Variants in RBFOX1 observed in about 807,000 individuals in gnomAD.
The protein encoded by RBFOX1 is RNA binding protein fox-1 homolog 1.
A neutral mutation model predicts 57.7 loss-of-function variants in RBFOX1; 8 were observed. The observed-to-expected ratio is 0.14, with a 90% CI of 0.08 to 0.25. The LOEUF (loss-of-function observed/expected upper bound fraction) is 0.25. RBFOX1 is among the 10% of genes least tolerant of loss of function. The pLI is 1.00. For synonymous variants in RBFOX1, 326 were observed against 222.4 expected, an observed-to-expected ratio of 1.47 and a Z score of -4.15; for missense variants, 611 against 548.5, an observed-to-expected ratio of 1.11 and a Z score of -1.14.
At chr16:5,276,531 T>C (rs1205929083) in intron 1 of RBFOX1, among the ~76,000 whole-genome samples, 1 of 152,182 alleles carries the variant, frequency 6.6e-6, no homozygotes, top group African/African-American at 2.4e-5. Flanking sequence ...ACGCGTGTAA[T>C]CCCAGTACTT....
intron 2 of RBFOX1, among the ~76,000 whole-genome samples, chr16:6,454,259 G>A (rs151101722): frequency 2.0e-5 from 3 of 152,230 alleles, no homozygotes; most frequent in Non-Finnish European, 2.9e-5. Flanking sequence ...ATCACAACAG[G>A]ATAGAAAATT....
intron 4 of RBFOX1, among the ~76,000 whole-genome samples, chr16:5,967,094 G>C (rs993881089): frequency 6.7e-6 from 1 of 150,282 alleles, no homozygotes; most frequent in African/African-American, 2.4e-5. Flanking sequence ...TATAGTTGAC[G>C]GCTGCTTCTT....
Position 5,305,401 on chromosome 16 carries a change from A to T in RBFOX1, c.219+65296A>T, listed in dbSNP as rs182261711. On this transcript the variant is annotated intron_variant, in intron 1 of 2. Coordinates refer to the RBFOX1 transcript ENST00000585867. ...TGCTGGGGGTCACTTACATCTACAG[A>T]GGATGACTGAGGAGGAGGTCTGGCA... 1.3e-3 allele frequency among the ~76,000 whole-genome samples: 192 copies of T among 152,142 alleles called. 1 individual carries two copies. Among genetic ancestry groups the T allele is most frequent in the East Asian group, 1.2e-3 (6 of 5,166 alleles).
intron 2 of RBFOX1, among the ~76,000 whole-genome samples, chr16:5,525,911 T>C (rs931347121): frequency 4.6e-5 from 7 of 152,164 alleles, no homozygotes; most frequent in Non-Finnish European, 8.8e-5. Flanking sequence ...CATCGAAGGC[T>C]AGTGCCTCTT....
At chr16:6,949,394 T>G (rs1285959118) in intron 3 of RBFOX1, among the ~76,000 whole-genome samples, 4 of 152,168 alleles carry the variant, frequency 2.6e-5, no homozygotes, top group Non-Finnish European at 5.9e-5. Context: ...TTCCATGGTG[T>G]ATTAGCTGGC....
At chr16:7,343,698 C>G (rs534782523) in intron 4 of RBFOX1, among the ~76,000 whole-genome samples, 1 of 152,238 alleles carries the variant, frequency 6.6e-6, no homozygotes, top group South Asian at 2.1e-4. Context: ...AACAGGCAAA[C>G]AGGAGGTGGT....
At chr16:5,750,857 G>A (rs2053172689) in intron 3 of RBFOX1, among the ~76,000 whole-genome samples, 1 of 152,348 alleles carries the variant, frequency 6.6e-6, no homozygotes, top group Non-Finnish European at 1.5e-5. Flanking sequence ...CGCATGGTGG[G>A]CTGCATCCAC....
intron 4 of RBFOX1, among the ~76,000 whole-genome samples, chr16:5,968,875 G>C (rs1490570500): frequency 6.6e-6 from 1 of 151,886 alleles, no homozygotes; most frequent in Non-Finnish European, 1.5e-5. Context: ...ACGTACTCTT[G>C]AATCTTCTTT....
chr16:6,123,357 A>G (rs955242370), intron 1 of RBFOX1, among the ~76,000 whole-genome samples: 1 of 152,262 alleles, frequency 6.6e-6, no homozygotes, highest in Admixed American at 6.5e-5. Context: ...GTGCTATAAT[A>G]TGGATGAACC....
intron 1 of RBFOX1, among the ~76,000 whole-genome samples, chr16:6,306,402 A>G (rs572388414): frequency 1.3e-5 from 2 of 152,340 alleles, no homozygotes; most frequent in East Asian, 1.9e-4. Flanking sequence ...TCGCTCATGC[A>G]TCGAAAGGAA....
intron 4 of RBFOX1, among the ~76,000 whole-genome samples, chr16:7,392,800 G>A (rs1197424155): frequency 6.6e-6 from 1 of 152,038 alleles, no homozygotes; most frequent in East Asian, 1.9e-4. Flanking sequence ...CTCAGTCCGT[G>A]GATTGTTTTG....
At position 7,062,253 on chromosome 16, in the gene RBFOX1, G is replaced by T. The variant is rs537870628; in HGVS notation, c.27+10155G>T. 1.7e-3 allele frequency among the ~76,000 whole-genome samples: 243 copies of T among 143,368 alleles called. 4 individuals carry two copies. The highest frequency in any genetic ancestry group is 3.8e-3 in the South Asian group (17 of 4,464). 94.1% of individuals were successfully genotyped at this position (143,368 alleles called of 152,430 possible). A position where few individuals can be genotyped will look rare whatever the true frequency, so the allele number is the denominator to read the frequency against. ...AGAATGCCGTGAACCGAGATCATGAGGTTGCAGTGAGCCGAGATCATGCCA... is the reference window on the plus strand; with the variant it reads ...AGAATGCCGTGAACCGAGATCATGATGTTGCAGTGAGCCGAGATCATGCCA... On this transcript the variant is annotated intron_variant, in intron 4 of 15. Transcript: ENST00000550418.
chr16:7,192,046 C>T (rs185857935), intron 4 of RBFOX1, among the ~76,000 whole-genome samples: 1 of 152,050 alleles, frequency 6.6e-6, no homozygotes, highest in Non-Finnish European at 1.5e-5. Context: ...AGTTTTTAAT[C>T]TATTGATGCC....
At chr16:5,663,703 T>C (rs1382220636) in intron 3 of RBFOX1, among the ~76,000 whole-genome samples, 1 of 152,158 alleles carries the variant, frequency 6.6e-6, no homozygotes. Context: ...TCACGTCATG[T>C]AGAGCGCCCT....
chr16:6,315,815 T>C, intron 1 of RBFOX1, among the ~76,000 whole-genome samples: 1 of 152,152 alleles, frequency 6.6e-6, no homozygotes, highest in Non-Finnish European at 1.5e-5. Flanking sequence ...AGTCACTTGA[T>C]GTTTTTAGGT....
chr16:7,311,321 G>C (rs1338149446), intron 4 of RBFOX1, among the ~76,000 whole-genome samples: 2 of 152,090 alleles, frequency 1.3e-5, no homozygotes, highest in African/African-American at 2.4e-5. Flanking sequence ...AAAGCATTCA[G>C]AAGGTTAGTG....
At chr16:6,547,172 G>A (rs2096908213) in intron 2 of RBFOX1, among the ~76,000 whole-genome samples, 1 of 152,150 alleles carries the variant, frequency 6.6e-6, no homozygotes, top group African/African-American at 2.4e-5. Context: ...AATTGGTGGG[G>A]AAACGTTTAT....
At chr16:6,845,842 T>G (rs1363069087) in intron 3 of RBFOX1, among the ~76,000 whole-genome samples, 2 of 152,238 alleles carry the variant, frequency 1.3e-5, no homozygotes, top group African/African-American at 4.8e-5. Flanking sequence ...CCTCTTGGGA[T>G]AATCTCAGTC....
intron 3 of RBFOX1, among the ~76,000 whole-genome samples, chr16:5,659,546 G>A (rs916889221): frequency 3.3e-5 from 5 of 151,810 alleles, no homozygotes; most frequent in African/African-American, 7.3e-5. Flanking sequence ...CTTGTGATCC[G>A]TCCGCCTCGG....
Sources: allele counts gnomAD v4.1 joint callset (sites outside exome capture counted in the v4.1 genomes callset), GRCh38; gene constraint gnomAD v4.1.1; transcripts MANE v1.5; gene names NCBI Gene and HGNC (gene_info 2026-07-23, HGNC 2026-07-21).